Variants in PCDH11Y observed in about 807,000 individuals in gnomAD.
PCDH11Y encodes protocadherin 11 Y-linked, also known as protocadherin-11 Y-linked.
For missense variants in PCDH11Y, 12 were observed against 224.8 expected, an observed-to-expected ratio of 0.05 and a Z score of 6.05; for synonymous variants, 9 against 83.6, an observed-to-expected ratio of 0.11 and a Z score of 4.87.
intron 2 of PCDH11Y, among the ~76,000 whole-genome samples, chrY:5,462,793 C>T (rs2124683951): frequency 6.3e-5 from 2 of 31,732 alleles, no homozygotes; most frequent in East Asian, 8.4e-4. Flanking sequence ...TGCACTGCCA[C>T]GCCCAGTCAA....
chrY:5,093,501 A>G, intron 1 of PCDH11Y, among the ~76,000 whole-genome samples: 1 of 32,891 alleles, frequency 3.0e-5, no homozygotes, highest in Admixed American at 2.8e-4. Flanking sequence ...TTCTTTGTTG[A>G]TCACACGTAT....
chrY:5,067,879 C>G (rs1212637940), intron 1 of PCDH11Y, among the ~76,000 whole-genome samples: 3 of 29,314 alleles, frequency 1.0e-4, no homozygotes, highest in Non-Finnish European at 1.6e-4. Flanking sequence ...CGGGCGTGGT[C>G]GCGGGCGCCT....
intron 2 of PCDH11Y, among the ~76,000 whole-genome samples, chrY:5,368,297 T>TGGTGCAGGGTTCCC (rs2053183279): frequency 3.0e-5 from 1 of 33,807 alleles, no homozygotes; most frequent in East Asian, 8.1e-4. Flanking sequence ...GCAGGGTTCC[T>TGGTGCAGGGTTCCC]GGTGCAGGGT....
chrY:5,015,317 A>G, intron 1 of PCDH11Y, among the ~76,000 whole-genome samples: 1 of 33,134 alleles, frequency 3.0e-5, no homozygotes, highest in Non-Finnish European at 7.4e-5. Flanking sequence ...GTCATCGTCA[A>G]TTTAGTTAGG....
At chrY:5,515,653 A>G in intron 3 of PCDH11Y, among the ~76,000 whole-genome samples, 2 of 33,472 alleles carry the variant, frequency 6.0e-5, no homozygotes, top group Non-Finnish European at 1.5e-4. Flanking sequence ...GAGGCATCAC[A>G]CTGCTCTAAT....
chrY:5,483,846 CCT>C (rs2053329290), intron 2 of PCDH11Y, among the ~76,000 whole-genome samples: 1 of 31,765 alleles, frequency 3.1e-5, no homozygotes, highest in African/African-American at 1.2e-4. Flanking sequence ...TCAATTTTAC[CCT>C]GTTTTGAAGA....
chrY:5,322,493 A>G, intron 2 of PCDH11Y, among the ~76,000 whole-genome samples: 2 of 32,453 alleles, frequency 6.2e-5, no homozygotes, highest in Non-Finnish European at 1.5e-4. Flanking sequence ...TGTATTATAT[A>G]TATTTGTATT....
chrY:5,301,546 C>A, intron 2 of PCDH11Y, among the ~76,000 whole-genome samples: 1 of 33,476 alleles, frequency 3.0e-5, no homozygotes, highest in African/African-American at 1.2e-4. Context: ...GCCTTCTTCA[C>A]TTGAAATATT....
intron 3 of PCDH11Y, among the ~76,000 whole-genome samples, chrY:5,050,441 T>C (rs2052649710): frequency 3.0e-5 from 1 of 33,417 alleles, no homozygotes; most frequent in Admixed American, 2.8e-4. Flanking sequence ...AATTTGATAA[T>C]TTAGACCCCA....
At chrY:5,603,957 AAGAG>A in intron 4 of PCDH11Y, among the ~76,000 whole-genome samples, 4 of 31,974 alleles carry the variant, frequency 1.3e-4, no homozygotes, top group African/African-American at 4.8e-4. Flanking sequence ...AAGAGAAAGA[AAGAG>A]AGAGAGAGAA....
At chrY:5,613,161 C>T (rs9785652) in intron 4 of PCDH11Y, among the ~76,000 whole-genome samples, 6,570 of 31,556 alleles carry the variant, frequency 0.21, no homozygotes, top group African/African-American at 0.68. Context: ...CCACCACACC[C>T]GGCTGCTCCC....
intron 2 of PCDH11Y, among the ~76,000 whole-genome samples, chrY:5,121,732 C>G (rs2052818489): frequency 3.1e-5 from 1 of 32,612 alleles, no homozygotes; most frequent in East Asian, 8.0e-4. Flanking sequence ...CATAATAGAG[C>G]TATCCTTTGT....
chrY:5,498,953 C>T, intron 2 of PCDH11Y, among the ~76,000 whole-genome samples: 1 of 32,163 alleles, frequency 3.1e-5, no homozygotes, highest in East Asian at 8.2e-4. Flanking sequence ...GCTCAAGGGT[C>T]GAGACCAGCC....
chrY:5,289,610 A>G (rs2053065098), intron 2 of PCDH11Y, among the ~76,000 whole-genome samples: 1 of 33,030 alleles, frequency 3.0e-5, no homozygotes, highest in Non-Finnish European at 7.5e-5. Context: ...TGCAGGATGG[A>G]TTCCAGAAGC....
At chrY:5,109,473 T>C (rs2124638716), downstream of PCDH11Y, among the ~76,000 whole-genome samples, 5 of 33,531 alleles carry the variant, frequency 1.5e-4, no homozygotes, top group African/African-American at 2.3e-4. Flanking sequence ...CTTTTTGAAG[T>C]GGTGCATTTT....
chrY:5,322,386 A>G (rs2053114114), intron 2 of PCDH11Y, among the ~76,000 whole-genome samples: 1 of 32,811 alleles, frequency 3.0e-5, no homozygotes, highest in Non-Finnish European at 7.4e-5. Flanking sequence ...TCGTATTTAC[A>G]TATAGTCTAC....
chrY:5,641,365 A>G, intron 4 of PCDH11Y, among the ~76,000 whole-genome samples: 1 of 33,339 alleles, frequency 3.0e-5, no homozygotes, highest in Non-Finnish European at 7.4e-5. Context: ...TTGGCTTTTG[A>G]CATGTCTTTC....
At chrY:5,620,414 T>C in intron 4 of PCDH11Y, among the ~76,000 whole-genome samples, 1 of 30,135 alleles carries the variant, frequency 3.3e-5, no homozygotes, top group Non-Finnish European at 8.0e-5. Context: ...ATAAATAACC[T>C]ACCTACTAAA....
At chrY:5,367,010 G>A (rs2053181012) in intron 2 of PCDH11Y, among the ~76,000 whole-genome samples, 3 of 33,134 alleles carry the variant, frequency 9.1e-5, no homozygotes, top group Non-Finnish European at 2.2e-4. Flanking sequence ...GTGATCTGCC[G>A]GCCTCAGCCT....
Sources: allele counts gnomAD v4.1 joint callset (sites outside exome capture counted in the v4.1 genomes callset), GRCh38; gene constraint gnomAD v4.1.1; transcripts MANE v1.5; gene names NCBI Gene and HGNC (gene_info 2026-07-23, HGNC 2026-07-21).